The following STK32B variants were observed in gnomAD, a reference collection of about 807,000 sequenced individuals.
STK32B encodes serine/threonine-protein kinase 32B.
STK32B carries 43 observed loss-of-function variants against 52.6 expected under a neutral mutation model. The ratio of observed to expected loss-of-function variants is 0.82; its 90% CI spans 0.64 to 1.05. The LOEUF is 1.05. Among genes scored for constraint, STK32B ranks in the 50% least tolerant of loss-of-function variants. The pLI is 0.00. For synonymous variants in STK32B, 238 were observed against 204.3 expected, an observed-to-expected ratio of 1.17 and a Z score of -1.41; for missense variants, 621 against 534.6, an observed-to-expected ratio of 1.16 and a Z score of -1.59.
At chr4:5,094,476 G>C (rs1219278918) in intron 1 of STK32B, among the ~76,000 whole-genome samples, 1 of 152,076 alleles carries the variant, frequency 6.6e-6, no homozygotes, top group Non-Finnish European at 1.5e-5. Flanking sequence ...AATATAGCCA[G>C]ATATTGTCTC....
the STK32B span, among the ~76,000 whole-genome samples, chr4:5,030,367 C>A: frequency 2.6e-5 from 4 of 152,278 alleles, no homozygotes; most frequent in East Asian, 7.7e-4. Context: ...CTCCGGATCC[C>A]CCAGACCTAG....
At chr4:5,461,889 G>A (rs1379307297) in intron 9 of STK32B, among the ~76,000 whole-genome samples, 6 of 152,218 alleles carry the variant, frequency 3.9e-5, no homozygotes, top group African/African-American at 7.2e-5. Flanking sequence ...ACATGGTGCT[G>A]CCTCTGAGTT....
chr4:5,439,411 A>G (rs1215012378), intron 6 of STK32B, among the ~76,000 whole-genome samples: 18 of 151,688 alleles, frequency 1.2e-4, no homozygotes, highest in African/African-American at 3.1e-4. Context: ...CTTTTGAGAA[A>G]TGTCTGTTCA....
At chr4:5,401,866 T>C (rs1737312447) in intron 5 of STK32B, among the ~76,000 whole-genome samples, 1 of 152,224 alleles carries the variant, frequency 6.6e-6, no homozygotes, top group Non-Finnish European at 1.5e-5. Context: ...TGAGGGACTC[T>C]AGGCTGGGCT....
intron 1 of STK32B, among the ~76,000 whole-genome samples, chr4:5,069,220 T>G: frequency 7.2e-6 from 1 of 139,762 alleles, no homozygotes; most frequent in African/African-American, 2.8e-5. Context: ...TGAGATGGAG[T>G]CTCGCTCTGT....
intron 11 of STK32B, among the ~76,000 whole-genome samples, chr4:5,480,276 AGTGACCGTGG>A (rs1718584946): frequency 2.0e-5 from 3 of 152,218 alleles, no homozygotes; most frequent in Non-Finnish European, 4.4e-5. Context: ...GCCAAATATG[AGTGACCGTGG>A]CCCATGACAC....
At chr4:5,080,162 G>T (rs1712330013) in intron 1 of STK32B, among the ~76,000 whole-genome samples, 1 of 152,034 alleles carries the variant, frequency 6.6e-6, no homozygotes. Context: ...ACCCTCTGTG[G>T]CTCCCTATTA....
intron 3 of STK32B, among the ~76,000 whole-genome samples, chr4:5,284,661 G>A (rs1016715900): frequency 1.3e-5 from 2 of 152,196 alleles, no homozygotes; most frequent in Admixed American, 1.3e-4. Context: ...AACACATACT[G>A]TATGACGGTA....
chr4:5,415,095 A>G (rs1712046211), intron 5 of STK32B, among the ~76,000 whole-genome samples: 1 of 152,200 alleles, frequency 6.6e-6, no homozygotes, highest in South Asian at 2.1e-4. Context: ...GGTATTAGAA[A>G]TAAGGGAATA....
At chr4:5,482,642 A>T (rs1718813757) in intron 11 of STK32B, among the ~76,000 whole-genome samples, 2 of 152,186 alleles carry the variant, frequency 1.3e-5, no homozygotes, top group African/African-American at 4.8e-5. Flanking sequence ...GAGTAGTGAG[A>T]GAGGGCATCC....
chr4:5,029,723 G>A, the STK32B span, among the ~76,000 whole-genome samples: 2 of 152,170 alleles, frequency 1.3e-5, no homozygotes, highest in South Asian at 2.1e-4. Flanking sequence ...CCACCCAGGC[G>A]CCCATCTCCA....
At chr4:5,156,501 G>T (rs1717859982) in intron 2 of STK32B, among the ~76,000 whole-genome samples, 1 of 152,076 alleles carries the variant, frequency 6.6e-6, no homozygotes, top group Non-Finnish European at 1.5e-5. Flanking sequence ...GGCTCCTCTT[G>T]ACCCCTTTGA....
chr4:5,433,047 A>G (rs753115957), intron 6 of STK32B, among the ~76,000 whole-genome samples: 11 of 152,180 alleles, frequency 7.2e-5, no homozygotes, highest in Non-Finnish European at 1.5e-4. Flanking sequence ...CACTGATTCT[A>G]CTACTTACAA....
At chr4:5,037,610 T>C in the STK32B span, among the ~76,000 whole-genome samples, 1 of 152,172 alleles carries the variant, frequency 6.6e-6, no homozygotes. Context: ...TGAGGGTGCC[T>C]GGAGGACTCT....
intron 4 of STK32B, among the ~76,000 whole-genome samples, chr4:5,368,655 A>G (rs889645897): frequency 1.3e-5 from 2 of 152,212 alleles, no homozygotes; most frequent in African/African-American, 4.8e-5. Context: ...CTCATGAGTC[A>G]TGAGTGAGTT....
At chr4:5,111,800 A>G (rs1436258053) in intron 1 of STK32B, among the ~76,000 whole-genome samples, 2 of 151,562 alleles carry the variant, frequency 1.3e-5, no homozygotes, top group Non-Finnish European at 2.9e-5. Flanking sequence ...TGATGATTCT[A>G]TCTCAGTTTG....
intron 3 of STK32B, among the ~76,000 whole-genome samples, chr4:5,221,705 A>T (rs1287219371): frequency 2.6e-5 from 4 of 151,888 alleles, no homozygotes; most frequent in African/African-American, 7.3e-5. Flanking sequence ...AAAATACAAA[A>T]ATTAGCCAGG....
intron 4 of STK32B, among the ~76,000 whole-genome samples, chr4:5,376,492 G>A (rs1735596531): frequency 6.6e-6 from 1 of 151,970 alleles, no homozygotes; most frequent in Non-Finnish European, 1.5e-5. Flanking sequence ...AGGTTGGAGA[G>A]GATCCGCTCA....
chr4:5,356,766 G>A (rs1734195692), intron 4 of STK32B, among the ~76,000 whole-genome samples: 1 of 152,148 alleles, frequency 6.6e-6, no homozygotes, highest in South Asian at 2.1e-4. Context: ...GGAAACCGAG[G>A]CAGGTGTATC....
Sources: allele counts gnomAD v4.1 joint callset (sites outside exome capture counted in the v4.1 genomes callset), GRCh38; gene constraint gnomAD v4.1.1; transcripts MANE v1.5; gene names NCBI Gene and HGNC (gene_info 2026-07-23, HGNC 2026-07-21).